The following BMPR1A variants were observed in gnomAD, a reference collection of about 807,000 sequenced individuals.
BMPR1A encodes the protein bone morphogenetic protein receptor type-1A.
A neutral mutation model predicts 66.0 loss-of-function variants in BMPR1A; 7 were observed. The ratio of observed to expected loss-of-function variants is 0.11; its 90% confidence interval spans 0.06 to 0.20. The LOEUF (loss-of-function observed/expected upper bound fraction) is 0.20, where lower values mean the gene tolerates loss of function less well. Ranked by LOEUF, BMPR1A falls within the 10% of genes least tolerant of loss-of-function variation. The pLI, the probability that BMPR1A is intolerant of heterozygous loss-of-function variation, is 1.00. For synonymous variants in BMPR1A, 200 were observed against 229.7 expected, an observed-to-expected ratio of 0.87 and a Z score of 1.17; for missense variants, 408 against 669.1, an observed-to-expected ratio of 0.61 and a Z score of 4.31.
chr10:86,909,597 AAG>A (rs1219719954), intron 7 of BMPR1A, among the ~76,000 whole-genome samples: 1 of 139,804 alleles, frequency 7.2e-6, no homozygotes, highest in Non-Finnish European at 1.5e-5. Flanking sequence ...AAAAAAAAAA[AAG>A]AAAAAAAAGA....
intron 5 of BMPR1A, among the ~76,000 whole-genome samples, chr10:86,893,564 T>C (rs6586041): frequency 0.45 from 68,077 of 151,876 alleles, 17,487 homozygotes; most frequent in East Asian, 0.71. Context: ...CCGAGGCGGG[T>C]GGATCACGAG....
intron 1 of BMPR1A, among the ~76,000 whole-genome samples, chr10:86,837,247 C>CTGTCTGTG (rs1842363877): frequency 7.2e-6 from 1 of 138,106 alleles, no homozygotes; most frequent in Middle Eastern, 3.4e-3. Context: ...GTGTGTGTGT[C>CTGTCTGTG]TGTGTGTGTG....
intron 1 of BMPR1A, among the ~76,000 whole-genome samples, chr10:86,791,025 G>T (rs527452958): frequency 6.6e-6 from 1 of 152,196 alleles, no homozygotes; most frequent in South Asian, 2.1e-4. Flanking sequence ...CAAAATTGAA[G>T]GATCAATTCC....
chr10:86,811,902 A>C (rs533483717), intron 1 of BMPR1A, among the ~76,000 whole-genome samples: 2 of 152,126 alleles, frequency 1.3e-5, no homozygotes, highest in Non-Finnish European at 2.9e-5. Context: ...CAACATAGTG[A>C]GACATCATTT....
rs1841823577 is a variant in BMPR1A, at chr10:86,802,302, G to T, written c.-267-36563G>T. Reference sequence around the variant, plus strand: ...TTACCCTGAATCCCTTAAGCCCTGTGTACAGTGAGTATCATAATTCTGGCC... The same window carrying T: ...TTACCCTGAATCCCTTAAGCCCTGTTTACAGTGAGTATCATAATTCTGGCC... On this transcript the variant is annotated intron_variant, in intron 1 of 12. Coordinates refer to ENST00000372037, the MANE Select transcript of BMPR1A (RefSeq NM_004329.3). Among the ~76,000 whole-genome samples, 4 of 152,134 alleles carry T rather than the reference G, an allele frequency of 2.6e-5. No homozygotes were observed. In the South Asian group the frequency reaches 8.3e-4, roughly 32 times the overall value.
At chr10:86,794,166 T>C (rs906369149) in intron 1 of BMPR1A, among the ~76,000 whole-genome samples, 1 of 152,238 alleles carries the variant, frequency 6.6e-6, no homozygotes, top group African/African-American at 2.4e-5. Context: ...AGGATGTGAA[T>C]GTCTGCAGGG....
chr10:86,762,509 G>A (rs1241713816), intron 1 of BMPR1A, among the ~76,000 whole-genome samples: 4 of 152,016 alleles, frequency 2.6e-5, no homozygotes, highest in African/African-American at 7.3e-5. Flanking sequence ...ACAGGCGCCC[G>A]CCAATACGCC....
intron 2 of BMPR1A, among the ~76,000 whole-genome samples, chr10:86,841,275 A>G (rs185161081): frequency 2.6e-4 from 39 of 152,338 alleles, no homozygotes; most frequent in Admixed American, 8.5e-4. Flanking sequence ...TTGAAGTGCA[A>G]TCTGAGAAGT....
intron 2 of BMPR1A, among the ~76,000 whole-genome samples, chr10:86,847,285 A>G (rs1335337224): frequency 6.6e-6 from 1 of 151,620 alleles, no homozygotes; most frequent in Non-Finnish European, 1.5e-5. Context: ...ACTACACTTC[A>G]ATTCCTAACT....
chr10:86,858,459 A>G (rs368820699), intron 2 of BMPR1A, among the ~76,000 whole-genome samples: 3 of 152,330 alleles, frequency 2.0e-5, no homozygotes, highest in East Asian at 1.9e-4. Context: ...AGCTAGAGCA[A>G]TTAGGCAAGA....
chr10:86,758,655 C>A, intron 1 of BMPR1A, among the ~76,000 whole-genome samples: 1 of 152,192 alleles, frequency 6.6e-6, no homozygotes, highest in Middle Eastern at 3.2e-3. Context: ...ACTAGCGCAA[C>A]ATTGAAATTA....
chr10:86,859,863 G>T (rs1842690950), intron 2 of BMPR1A, among the ~76,000 whole-genome samples: 1 of 151,974 alleles, frequency 6.6e-6, no homozygotes, highest in South Asian at 2.1e-4. Flanking sequence ...AACCTGTATT[G>T]TTCAAAAAAA....
At chr10:86,859,792 A>G (rs1456931370) in intron 2 of BMPR1A, among the ~76,000 whole-genome samples, 1 of 151,902 alleles carries the variant, frequency 6.6e-6, no homozygotes, top group African/African-American at 2.4e-5. Flanking sequence ...CCTGGGCGAC[A>G]GAGTGAGACT....
At chr10:86,923,232 C>A in intron 11 of BMPR1A, 144 bp from the exon 12 acceptor site, 1 of 945,742 alleles carries the variant, frequency 1.1e-6, no homozygotes, top group Non-Finnish European at 1.5e-6. Flanking sequence ...CATACATCTA[C>A]TATTAAGAGT....
chr10:86,901,824 T>TA (rs2133468961), intron 7 of BMPR1A, among the ~76,000 whole-genome samples: 1 of 152,200 alleles, frequency 6.6e-6, no homozygotes, highest in African/African-American at 2.4e-5. Context: ...TATACATTGG[T>TA]TTCTTTATTA....
At chr10:86,800,131 CA>C (rs778935905) in intron 1 of BMPR1A, among the ~76,000 whole-genome samples, 11 of 152,100 alleles carry the variant, frequency 7.2e-5, no homozygotes, top group Non-Finnish European at 1.5e-4. Context: ...TAGTGGCCAA[CA>C]ATTAAAAATT....
chr10:86,918,158 C>T (rs1399212099), intron 9 of BMPR1A, among the ~76,000 whole-genome samples: 2 of 152,166 alleles, frequency 1.3e-5, no homozygotes, highest in East Asian at 1.9e-4. Flanking sequence ...TCCACATTTC[C>T]ACCTTACAAC....
At chr10:86,810,934 A>T (rs896123155) in intron 1 of BMPR1A, among the ~76,000 whole-genome samples, 2 of 151,956 alleles carry the variant, frequency 1.3e-5, no homozygotes, top group African/African-American at 4.8e-5. Flanking sequence ...TTTAGTAGAG[A>T]TGGGGTTTTG....
chr10:86,785,995 C>G (rs1476493875), intron 1 of BMPR1A, among the ~76,000 whole-genome samples: 1 of 152,192 alleles, frequency 6.6e-6, no homozygotes, highest in Non-Finnish European at 1.5e-5. Flanking sequence ...ACGTCACTTT[C>G]ACCGTCTTTA....
Sources: allele counts gnomAD v4.1 joint callset (sites outside exome capture counted in the v4.1 genomes callset), GRCh38; gene constraint gnomAD v4.1.1; transcripts MANE v1.5; gene names NCBI Gene and HGNC (gene_info 2026-07-23, HGNC 2026-07-21).